The following SETBP1 variants were observed in gnomAD, a reference collection of about 807,000 sequenced individuals.
SETBP1 encodes SET binding protein 1.
SETBP1 carries 9 observed loss-of-function variants against 101.0 expected under a neutral mutation model. The ratio of observed to expected loss-of-function variants is 0.09; its 90% CI spans 0.05 to 0.16. The LOEUF (loss-of-function observed/expected upper bound fraction) is 0.16, where lower values mean the gene tolerates loss of function less well. SETBP1 is among the 10% of genes least tolerant of loss of function. SETBP1 has a pLI of 1.00. For synonymous variants in SETBP1, 818 were observed against 788.5 expected, an observed-to-expected ratio of 1.04 and a Z score of -0.63; for missense variants, 1,858 against 2,033.8, an observed-to-expected ratio of 0.91 and a Z score of 1.66.
At chr18:44,756,081 G>A (rs2070487300) in intron 2 of SETBP1, among the ~76,000 whole-genome samples, 1 of 152,002 alleles carries the variant, frequency 6.6e-6, no homozygotes, top group South Asian at 2.1e-4. Context: ...GCTGGCTGTG[G>A]TGGCACATGC....
At chr18:44,988,483 A>G (rs995510566) in intron 4 of SETBP1, 7 of 152,248 alleles carry the variant, frequency 4.6e-5, no homozygotes, top group Non-Finnish European at 5.9e-5. Context: ...GAGGTGTAAG[A>G]TATCTGTTTA....
intron 2 of SETBP1, among the ~76,000 whole-genome samples, chr18:44,844,178 G>A (rs932239855): frequency 5.3e-5 from 8 of 152,066 alleles, no homozygotes; most frequent in Non-Finnish European, 1.0e-4. Flanking sequence ...GCTGCAAAAG[G>A]AGAATATATT....
chr18:44,987,663 A>G (rs2145266951), intron 4 of SETBP1: 1 of 152,346 alleles, frequency 6.6e-6, no homozygotes, highest in South Asian at 2.1e-4. Context: ...TTTCTCAGCA[A>G]TGATTGGTTT....
intron 4 of SETBP1, among the ~76,000 whole-genome samples, chr18:44,975,973 T>C (rs566823749): frequency 1.3e-4 from 20 of 152,286 alleles, no homozygotes; most frequent in African/African-American, 4.8e-4. Flanking sequence ...TTCTACTTTC[T>C]GTCTACCTTA....
intron 3 of SETBP1, among the ~76,000 whole-genome samples, chr18:44,883,758 G>A (rs2069581507): frequency 6.6e-6 from 1 of 152,210 alleles, no homozygotes; most frequent in Non-Finnish European, 1.5e-5. Flanking sequence ...AAGACACTGA[G>A]GCAGATTAAG....
intron 2 of SETBP1, among the ~76,000 whole-genome samples, chr18:44,809,752 G>A (rs1296772702): frequency 6.6e-6 from 1 of 152,202 alleles, no homozygotes; most frequent in African/African-American, 2.4e-5. Context: ...CAAGTGTTAG[G>A]AAGCCTGATT....
intron 2 of SETBP1, among the ~76,000 whole-genome samples, chr18:44,747,183 C>T (rs139221224): frequency 2.0e-5 from 3 of 152,360 alleles, no homozygotes; most frequent in African/African-American, 7.2e-5. Context: ...CAAGGTCCTG[C>T]TTCTTCCCCA....
chr18:44,789,506 C>A (rs2071324163), intron 2 of SETBP1, among the ~76,000 whole-genome samples: 1 of 152,148 alleles, frequency 6.6e-6, no homozygotes, highest in South Asian at 2.1e-4. Context: ...AAGTGATCAT[C>A]CGAGCAGTAT....
Position 44,930,142 on chromosome 18 carries a change from T to A in SETBP1, c.541-19739T>A, listed in dbSNP as rs2070795476. Among the ~76,000 whole-genome samples, 3 of 152,248 alleles carry A rather than the reference T, an allele frequency of 2.0e-5. No individual in the cohort carries two copies. In the South Asian group the frequency reaches 6.2e-4, roughly 32 times the overall value. On this transcript the variant is annotated intron_variant, in intron 3 of 5. Coordinates refer to ENST00000649279, the MANE Select transcript of SETBP1 (RefSeq NM_015559.3). The stretch of plus-strand genomic sequence containing the variant: ...CCTAGTTTATTGAGAGTTTTTAGCA[T>A]GAAGCGCTGTTGAATTTTGTCAAAG...
intron 5 of SETBP1, among the ~76,000 whole-genome samples, chr18:45,039,120 G>T (rs1035340751): frequency 2.0e-5 from 3 of 152,160 alleles, no homozygotes; most frequent in African/African-American, 7.2e-5. Flanking sequence ...CAACCAGTGC[G>T]TTTCACTGCC....
At chr18:44,774,587 G>A (rs991329712) in intron 2 of SETBP1, among the ~76,000 whole-genome samples, 1 of 152,208 alleles carries the variant, frequency 6.6e-6, no homozygotes, top group South Asian at 2.1e-4. Flanking sequence ...CATGTAGAAT[G>A]TGACCTGGCA....
chr18:44,693,841 C>T (rs1202664831), intron 1 of SETBP1, among the ~76,000 whole-genome samples: 1 of 152,164 alleles, frequency 6.6e-6, no homozygotes, highest in African/African-American at 2.4e-5. Flanking sequence ...ACTGTATGGG[C>T]AGCTTGAACA....
chr18:45,066,578 C>G lies in SETBP1; in HGVS notation c.*2880C>G, dbSNP rs1219907420. 1 of 152,116 alleles carries G rather than the reference C, an allele frequency of 6.6e-6. No homozygotes were observed. Among genetic ancestry groups the G allele is most frequent in the Non-Finnish European group, 1.5e-5 (1 of 68,052 alleles). The allele number at this position is 152,116 out of a possible 1,614,324, so 9.4% of individuals were successfully genotyped here. A position where few individuals can be genotyped will look rare whatever the true frequency, so the allele number is the denominator to read the frequency against. On this transcript the variant is annotated 3_prime_UTR_variant, in exon 6 of 6. Coordinates refer to ENST00000649279, the MANE Select transcript of SETBP1 (RefSeq NM_015559.3). Reference sequence around the variant, plus strand: ...CTCAGCCGTGGGCCAATGCAGCTTACAGACGGTTGCAGAGCTAGGAAGAAA... The same window carrying G: ...CTCAGCCGTGGGCCAATGCAGCTTAGAGACGGTTGCAGAGCTAGGAAGAAA...
At chr18:44,877,337 C>A in intron 3 of SETBP1, 1 of 912,354 alleles carries the variant, frequency 1.1e-6, no homozygotes. Flanking sequence ...GGTCCTTCAT[C>A]AAAGATCGTT....
At chr18:45,020,258 TAAAAAAAAAAAAAA>T (rs57134217) in intron 4 of SETBP1, among the ~76,000 whole-genome samples, 6,260 of 52,882 alleles carry the variant, frequency 0.12, 348 homozygotes, top group South Asian at 0.24. Context: ...GACTCTGTCT[TAAAAAAAAAAAAAA>T]AAAAAAAAAA....
intron 2 of SETBP1, among the ~76,000 whole-genome samples, chr18:44,703,396 G>GTTTTTTTTT (rs2069155892): frequency 3.3e-5 from 1 of 30,410 alleles, no homozygotes; most frequent in Non-Finnish European, 6.4e-5. Context: ...TTTTTTTTTA[G>GTTTTTTTTT]CTTTGGGGCA....
rs148342755 is a variant in SETBP1, at chr18:44,993,336, A to C, written c.4000+39996A>C. On this transcript the variant is annotated intron_variant, in intron 4 of 5. Coordinates refer to ENST00000649279, the MANE Select transcript of SETBP1 (RefSeq NM_015559.3). ...CTAAGGAAAGTAAAACAAATTAAAAATAAAAGGTTTGGAAAAGTAAAAATA... is the reference window on the plus strand; with the variant it reads ...CTAAGGAAAGTAAAACAAATTAAAACTAAAAGGTTTGGAAAAGTAAAAATA... 7.2e-5 allele frequency among the ~76,000 whole-genome samples: 11 copies of C among 152,192 alleles called. No individual in the cohort carries two copies. The East Asian group carries it at 2.1e-3, about 29-fold the overall frequency.
intron 4 of SETBP1, among the ~76,000 whole-genome samples, chr18:44,998,521 T>C (rs531286044): frequency 6.6e-6 from 1 of 152,364 alleles, no homozygotes; most frequent in South Asian, 2.1e-4. Flanking sequence ...AGTAGACATA[T>C]TGGCTGTATT....
intron 2 of SETBP1, among the ~76,000 whole-genome samples, chr18:44,860,406 CA>C (rs2068977934): frequency 6.6e-6 from 1 of 152,056 alleles, no homozygotes; most frequent in Non-Finnish European, 1.5e-5. Flanking sequence ...TTGTTCTTTC[CA>C]AAACATGTAG....
Sources: allele counts gnomAD v4.1 joint callset (sites outside exome capture counted in the v4.1 genomes callset), GRCh38; gene constraint gnomAD v4.1.1; transcripts MANE v1.5; gene names NCBI Gene and HGNC (gene_info 2026-07-23, HGNC 2026-07-21).